The following ZNF573 variants were observed in gnomAD, a reference collection of about 807,000 sequenced individuals.
ZNF573 encodes zinc finger protein 573.
Under a neutral mutation model 57.4 loss-of-function variants are expected in ZNF573, and 41 were observed. The observed-to-expected ratio is 0.71, with a 90% CI of 0.56 to 0.93. The LOEUF is 0.93. Among genes scored for constraint, ZNF573 ranks in the 40% least tolerant of loss-of-function variants. ZNF573 has a pLI of 0.00. For synonymous variants in ZNF573, 249 were observed against 261.0 expected (o/e 0.95, Z 0.44); for missense variants, 730 against 794.8 (o/e 0.92, Z 0.98).
At chr19:37,758,224 T>A (rs1235139061) in intron 4 of ZNF573, among the ~76,000 whole-genome samples, 7,957 of 19,588 alleles carry the variant, frequency 0.41, 1,701 homozygotes, top group Non-Finnish European at 0.51. Flanking sequence ...TATATATATA[T>A]ATATATATAT....
At position 37,739,242 on chromosome 19, in the gene ZNF573, G is replaced by A. The variant is rs2045296713; in HGVS notation, c.1248C>T (p.Cys416=). ...AGCTAAAGGCCTTTCCGCATTCCTT[G>A]CATTCATAGGGTTTCTCGCCAGTAT... ...KTHTGEKPYE[C]KECGKAFSLY... is the part of the protein sequence containing the mutation. The change falls in exon 5 of 5, where the codon TGC becomes TGT. Residue 416 remains cysteine (C), a synonymous_variant. Transcript: ENST00000536220. 3.7e-6 allele frequency: 6 copies of A among 1,613,064 alleles called. No homozygotes were observed. Among genetic ancestry groups the A allele is most frequent in the Non-Finnish European group, 5.1e-6 (6 of 1,179,806 alleles).
At chr19:37,744,290 T>C (rs567742451) in intron 4 of ZNF573, among the ~76,000 whole-genome samples, 53 of 151,524 alleles carry the variant, frequency 3.5e-4, no homozygotes, top group African/African-American at 1.2e-3. Context: ...TGCATGGTGG[T>C]TAGGGTGTGG....
At chr19:37,758,199 T>TAATAAAAAAAA (rs1555742417) in intron 4 of ZNF573, among the ~76,000 whole-genome samples, 1 of 11,874 alleles carries the variant, frequency 8.4e-5, no homozygotes, top group Non-Finnish European at 2.7e-4. Flanking sequence ...TAAAGTATAA[T>TAATAAAAAAAA]AAAATATATA....
chr19:37,741,429 C>T (rs910665783), intron 4 of ZNF573, among the ~76,000 whole-genome samples: 2 of 152,156 alleles, frequency 1.3e-5, no homozygotes, highest in Non-Finnish European at 2.9e-5. Context: ...CCACACCTGG[C>T]TAATTTTAAA....
chr19:37,738,325 G>A lies in ZNF573; in HGVS notation c.*167C>T. On this transcript the variant is annotated 3_prime_UTR_variant, in exon 5 of 5. Transcript: ENST00000536220. ...TTCTTAATTTACCATTGAATAGTCA[G>A]ATATTCCATTAAAACAGGACTGACA... 1.9e-6 allele frequency: 1 copy of A among 530,900 alleles called. No homozygotes were observed. The highest frequency in any genetic ancestry group is 2.1e-5 in the African/African-American group (1 of 48,748). The allele number at this position is 530,900 out of a possible 1,614,324, so 32.9% of individuals were successfully genotyped here.
chr19:37,752,035 A>G (rs939799846), intron 4 of ZNF573, among the ~76,000 whole-genome samples: 1 of 150,226 alleles, frequency 6.7e-6, no homozygotes, highest in Non-Finnish European at 1.5e-5. Context: ...TATACTGTAT[A>G]TAGTATATAG....
At position 37,740,242 on chromosome 19, in the gene ZNF573, G is replaced by A; in HGVS notation, c.296-48C>T. Reference sequence around the variant, plus strand: ...AAAAAATTTGTATTTCTATACCAGAGAACAAGAAACTTTATGCAACAAAGA... The same window carrying A: ...AAAAAATTTGTATTTCTATACCAGAAAACAAGAAACTTTATGCAACAAAGA... On this transcript the variant is annotated intron_variant, in intron 4 of 4. Transcript: ENST00000536220. 2.0e-6 allele frequency: 3 copies of A among 1,474,234 alleles called. 1 individual carries two copies. The allele number at this position is 1,474,234 out of a possible 1,614,324, so 91.3% of individuals were successfully genotyped here.
intron 4 of ZNF573, among the ~76,000 whole-genome samples, chr19:37,761,157 C>T (rs1453101043): frequency 6.6e-6 from 1 of 151,984 alleles, no homozygotes; most frequent in Non-Finnish European, 1.5e-5. Flanking sequence ...ACCACTGCAC[C>T]TGCACTCTAG....
Position 37,738,560 on chromosome 19 carries a change from C to T in ZNF573, c.1930G>A (p.Gly644Arg), listed in dbSNP as rs1186342665. ...GEKPYVCKQC[G>R]KTFRYGSALK... is the part of the protein sequence containing the mutation. ...GCTGAACCATATCTGAAGGTTTTCC[C>T]ACACTGCTTACACACATAGGGTTTC... Residue 644 changes from glycine (G) to arginine (R), a missense_variant, in exon 5 of 5, where the codon GGG becomes AGG. Physicochemically the swap from Gly to Arg is moderately radical, Grantham distance 125. Coordinates refer to ENST00000536220, the MANE Select transcript of ZNF573 (RefSeq NM_001172690.2). The T allele has an allele frequency of 1.9e-6, 3 of 1,585,410 alleles. No individual in the cohort carries two copies. The highest frequency in any genetic ancestry group is 2.6e-6 in the Non-Finnish European group (3 of 1,169,478).
Position 37,739,297 on chromosome 19 carries a change from C to G in ZNF573, c.1193G>C (p.Gly398Ala), listed in dbSNP as rs1346071888. 3.1e-6 allele frequency: 5 copies of G among 1,613,762 alleles called. No homozygotes were observed. Among genetic ancestry groups the G allele is most frequent in the Non-Finnish European group, 4.2e-6 (5 of 1,179,990 alleles). The change falls in exon 5 of 5, where the codon GGT becomes GCT. Residue 398 changes from glycine (G) to alanine (A), a missense_variant. Coordinates refer to ENST00000536220, the MANE Select transcript of ZNF573 (RefSeq NM_001172690.2). ...CKQCGKTYTT[G>A]SKLFQHQKTH... ...TTTCTGATGTTGAAAGAGTTTTGAA[C>G]CAGTAGTATAGGTCTTCCCACATTG... is the stretch of plus-strand genomic sequence containing the variant.
intron 4 of ZNF573, among the ~76,000 whole-genome samples, chr19:37,746,988 G>A (rs2045389898): frequency 6.6e-6 from 1 of 152,142 alleles, no homozygotes; most frequent in Non-Finnish European, 1.5e-5. Flanking sequence ...GAACCTGAAG[G>A]TAGTACCAGG....
At chr19:37,775,403 T>C (rs750869149) in intron 1 of ZNF573, among the ~76,000 whole-genome samples, 1 of 152,108 alleles carries the variant, frequency 6.6e-6, no homozygotes, top group Non-Finnish European at 1.5e-5. Flanking sequence ...TCCATATAGA[T>C]TCCATGAGCT....
At chr19:37,775,809 AAATC>A (rs753970208) in intron 1 of ZNF573, among the ~76,000 whole-genome samples, 44 of 151,452 alleles carry the variant, frequency 2.9e-4, no homozygotes, top group Non-Finnish European at 1.2e-4. Flanking sequence ...GCTGAGAATC[AAATC>A]AAGAACTCAA....
At position 37,739,810 on chromosome 19, in the gene ZNF573, A is replaced by C. The variant is rs761075362; in HGVS notation, c.680T>G (p.Phe227Cys). 6.2e-7 allele frequency: 1 copy of C among 1,613,606 alleles called. No individual in the cohort carries two copies. Among genetic ancestry groups the C allele is most frequent in the Non-Finnish European group, 8.5e-7 (1 of 1,179,780 alleles). Residue 227 changes from phenylalanine (F) to cysteine (C), a missense_variant, in exon 5 of 5, where the codon TTT becomes TGT. Phe to Cys is a radical substitution (Grantham distance 205). Transcript: ENST00000536220. Reference protein sequence around the residue: ...TYECRQCGKAFIYASHIVQHE... With the variant: ...TYECRQCGKACIYASHIVQHE... ...TTGAACAATGTGTGAGGCATATATA[A>C]AGGCCTTCCCACACTGCCTACATTC...
intron 4 of ZNF573, among the ~76,000 whole-genome samples, chr19:37,763,234 C>T (rs899041021): frequency 1.4e-5 from 2 of 139,532 alleles, no homozygotes; most frequent in African/African-American, 2.6e-5. Flanking sequence ...CACCAAATAC[C>T]CAAGAACAAC....
At chr19:37,777,465 A>T (rs921799683) in intron 1 of ZNF573, among the ~76,000 whole-genome samples, 1 of 152,218 alleles carries the variant, frequency 6.6e-6, no homozygotes, top group Non-Finnish European at 1.5e-5. Flanking sequence ...CTACTCAGCC[A>T]TAAAAAGGAA....
At position 37,764,461 on chromosome 19, in the gene ZNF573, C is replaced by T. The variant is rs2045582520; in HGVS notation, c.295+5544G>A. Among the ~76,000 whole-genome samples the T allele has an allele frequency of 1.3e-5, 2 of 151,946 alleles. 1 individual carries two copies. The highest frequency in any genetic ancestry group is 4.8e-5 in the African/African-American group (2 of 41,352). ...TCAGCCTCCCTAGTAGCTGGGACTA[C>T]AGACCAGTGCCACCACGCCCAGCTA... On this transcript the variant is annotated intron_variant, in intron 4 of 4. Coordinates refer to ENST00000536220, the MANE Select transcript of ZNF573 (RefSeq NM_001172690.2).
chr19:37,740,227 T>C (rs780462850), intron 4 of ZNF573, 33 bp from the exon 5 acceptor site: 1 of 1,518,450 alleles, frequency 6.6e-7, no homozygotes, highest in Non-Finnish European at 8.8e-7. Flanking sequence ...AAAAAATTTG[T>C]ATTTCTATAC....
intron 4 of ZNF573, chr19:37,755,129 C>T (rs925686676): frequency 1.3e-5 from 2 of 152,228 alleles, no homozygotes; most frequent in Non-Finnish European, 2.9e-5. Flanking sequence ...GCCACCACGC[C>T]CGGATAATTT....
Sources: gnomAD v4.1 joint callset for allele counts (sites outside exome capture counted in the v4.1 genomes callset) on GRCh38, gnomAD v4.1.1 for gene constraint, MANE v1.5 for transcripts, NCBI Gene and HGNC (gene_info 2026-07-23, HGNC 2026-07-21) for gene names.